Variants in SLC10A4 observed in about 807,000 individuals in gnomAD.
SLC10A4 encodes the protein putative sodium/bile acid cotransporter 4.
SLC10A4 carries 17 observed loss-of-function variants against 22.5 expected under a neutral mutation model. The observed-to-expected ratio is 0.76, with a 90% confidence interval of 0.52 to 1.14. The LOEUF is 1.14. Ranked by LOEUF, SLC10A4 falls within the 50% of genes most tolerant of loss-of-function variation. The probability of loss-of-function intolerance (pLI) is 0.00; values close to 1 mark genes in which losing one functional copy is unlikely to be tolerated. For missense variants in SLC10A4, 548 were observed against 584.0 expected (o/e 0.94, Z 0.64); for synonymous variants, 257 against 258.2 (o/e 1.00, Z 0.04).
Position 48,483,444 on chromosome 4 carries a change from G to A in SLC10A4, c.-118G>A, listed in dbSNP as rs984940461. ...CCCGACGCCGCCGAGCACGTCAGCG[G>A]CGCGCAGCCGGGGCTCGGAGACCGA... On this transcript the variant is annotated 5_prime_UTR_variant, in exon 1 of 3. Transcript: ENST00000273861. This position sits in a 1 kb window ranked among gnomAD's most constrained non-coding sequence, Gnocchi z 5.4. 7 of 795,512 alleles carry A rather than the reference G, an allele frequency of 8.8e-6. No homozygotes were observed. In the African/African-American group the frequency reaches 1.3e-4, roughly 15 times the overall value. 49.3% of individuals were successfully genotyped at this position (795,512 alleles called of 1,614,324 possible).
At chr4:48,487,623 T>C (rs1332244538) in intron 2 of SLC10A4, among the ~76,000 whole-genome samples, 2 of 152,104 alleles carry the variant, frequency 1.3e-5, no homozygotes, top group Non-Finnish European at 2.9e-5. Flanking sequence ...ATGAAACACA[T>C]TCTCAGAACA....
intron 2 of SLC10A4, among the ~76,000 whole-genome samples, chr4:48,488,097 T>C (rs1460494148): frequency 1.3e-5 from 2 of 151,550 alleles, no homozygotes; most frequent in East Asian, 3.9e-4. Context: ...CCACCGCGCC[T>C]GGCCAGAAAA....
chr4:48,484,733 C>T (rs1222982933), intron 1 of SLC10A4, among the ~76,000 whole-genome samples, 199 bp from the exon 2 acceptor site: 1 of 152,062 alleles, frequency 6.6e-6, no homozygotes. Context: ...TGTTTTTCCT[C>T]CCTGCCTTGG....
chr4:48,484,299 C>A, intron 1 of SLC10A4, 148 bp downstream of exon 1: 1 of 835,922 alleles, frequency 1.2e-6, no homozygotes, highest in East Asian at 2.8e-5. Context: ...GATGACGCCC[C>A]GGCTTTAGAA....
Position 48,484,077 on chromosome 4 carries a change from C to A in SLC10A4, c.516C>A (p.Leu172=), listed in dbSNP as rs1337609876. The change falls in exon 1 of 3, where the codon CTC becomes CTA. Residue 172 remains leucine (L), a synonymous_variant. Coordinates refer to ENST00000273861, the MANE Select transcript of SLC10A4 (RefSeq NM_152679.4). The part of the protein sequence containing the change: ...KLDEVAAVAV[L]LCGCCPGGNL... The stretch of plus-strand genomic sequence containing the variant: ...ACGAGGTGGCCGCCGTGGCGGTGCT[C>A]CTGTGTGGCTGCTGTCCCGGCGGCA... The A allele has an allele frequency of 6.2e-7, 1 of 1,605,870 alleles. No homozygotes were observed. The highest frequency in any genetic ancestry group is 8.5e-7 in the Non-Finnish European group (1 of 1,178,432).
rs1010514282 is a variant in SLC10A4 at position 48,484,867 on chromosome 4, A to G, written c.591-65A>G. ...GTTCCACCTCTACTCAACATACAAG[A>G]AAAAGGTTAGCTGGCTGTTTGACTC... On this transcript the variant is annotated intron_variant, in intron 1 of 2. Coordinates refer to ENST00000273861, the MANE Select transcript of SLC10A4 (RefSeq NM_152679.4). The G allele has an allele frequency of 2.1e-5, 31 of 1,495,466 alleles. No individual in the cohort carries two copies. The African/African-American group carries it at 4.0e-4, about 19-fold the overall frequency. 92.6% of individuals were successfully genotyped at this position (1,495,466 alleles called of 1,614,324 possible). A position where few individuals can be genotyped will look rare whatever the true frequency, so the allele number is the denominator to read the frequency against.
At chr4:48,484,680 A>G (rs1718249395) in intron 1 of SLC10A4, among the ~76,000 whole-genome samples, 1 of 152,042 alleles carries the variant, frequency 6.6e-6, no homozygotes, top group African/African-American at 2.4e-5. Context: ...CAGGCTCAAT[A>G]GACTTTATAA....
chr4:48,483,738 C>A lies in SLC10A4; in HGVS notation c.177C>A (p.Ser59Arg). The A allele has an allele frequency of 6.9e-7, 1 of 1,449,384 alleles. No homozygotes were observed. The highest frequency in any genetic ancestry group is 9.0e-7 in the Non-Finnish European group (1 of 1,107,848). The allele number at this position is 1,449,384 out of a possible 1,614,324, so 89.8% of individuals were successfully genotyped here. Residue 59 changes from serine (S) to arginine (R), a missense_variant, in exon 1 of 3, where the codon AGC becomes AGA. Coordinates refer to ENST00000273861, the MANE Select transcript of SLC10A4 (RefSeq NM_152679.4). The surrounding 1 kb of genome is among the most constrained non-coding windows in gnomAD (Gnocchi z 5.4). ...SLGPGPSFGF[S>R]PGPTPTPEPT... ...GGCCGGGTCCGAGCTTCGGCTTCAG[C>A]CCCGGCCCCACTCCGACCCCGGAGC... is the stretch of plus-strand genomic sequence containing the variant.
Position 48,483,757 on chromosome 4 carries a change from C to T in SLC10A4, c.196C>T (p.Pro66Ser). Residue 66 changes from proline to serine, a missense_variant, in exon 1 of 3, where the codon CCG (proline) becomes TCG (serine). Physicochemically the swap from Pro to Ser is moderately conservative, Grantham distance 74. Transcript: ENST00000273861. This position sits in a 1 kb window ranked among gnomAD's most constrained non-coding sequence, Gnocchi z 5.4. ...FGFSPGPTPT[P>S]EPTTSGLAGG... is the part of the protein sequence containing the mutation. Reference sequence around the variant, plus strand: ...CTTCAGCCCCGGCCCCACTCCGACCCCGGAGCCCACGACCAGCGGCCTCGC... The same window carrying T: ...CTTCAGCCCCGGCCCCACTCCGACCTCGGAGCCCACGACCAGCGGCCTCGC... 6.8e-7 allele frequency: 1 copy of T among 1,479,096 alleles called. No individual in the cohort carries two copies. Among genetic ancestry groups the T allele is most frequent in the Non-Finnish European group, 8.9e-7 (1 of 1,120,678 alleles). 91.6% of individuals were successfully genotyped at this position (1,479,096 alleles called of 1,614,324 possible). A position where few individuals can be genotyped will look rare whatever the true frequency, so the allele number is the denominator to read the frequency against.
chr4:48,486,405 T>C (rs1452744242), intron 2 of SLC10A4, among the ~76,000 whole-genome samples: 2 of 151,720 alleles, frequency 1.3e-5, no homozygotes, highest in African/African-American at 4.8e-5. Flanking sequence ...GCTAATGCTA[T>C]TAATGTGATG....
rs1043774695 is a variant in SLC10A4 at position 48,483,495 on chromosome 4, C to G, written c.-67C>G. ...CGGGCAGAACGACGGGCGGCGACTG[C>G]GGCGACCGCGGGACGGCGAGAGGCA... is the stretch of plus-strand genomic sequence containing the variant. On this transcript the variant is annotated 5_prime_UTR_variant, in exon 1 of 3. Coordinates refer to ENST00000273861, the MANE Select transcript of SLC10A4 (RefSeq NM_152679.4). This position sits in a 1 kb window ranked among gnomAD's most constrained non-coding sequence, Gnocchi z 5.4. 1.5e-6 allele frequency: 2 copies of G among 1,329,616 alleles called. No individual in the cohort carries two copies. Among genetic ancestry groups the G allele is most frequent in the African/African-American group, 3.1e-5 (2 of 65,030 alleles). The allele number at this position is 1,329,616 out of a possible 1,614,324, so 82.4% of individuals were successfully genotyped here. A position where few individuals can be genotyped will look rare whatever the true frequency, so the allele number is the denominator to read the frequency against.
Position 48,488,688 on chromosome 4 carries a change from C to G in SLC10A4, c.1063C>G (p.Gln355Glu). Residue 355 changes from glutamine (Q) to glutamate (E), a missense_variant, in exon 3 of 3, where the codon CAA becomes GAA. Around this residue, in one of 3 missense-constraint regions of SLC10A4, gnomAD observed 314 missense variants for 353.2 expected, o/e 0.89. Coordinates refer to ENST00000273861, the MANE Select transcript of SLC10A4 (RefSeq NM_152679.4). ...TAILKLAFPP[Q>E]FIGSMYMFPL... is the part of the protein sequence containing the mutation. ...CATTCTAAAACTGGCCTTTCCACCG[C>G]AATTCATAGGAAGCATGTACATGTT... 1 of 1,613,994 alleles carries G rather than the reference C, an allele frequency of 6.2e-7. No homozygotes were observed. The highest frequency in any genetic ancestry group is 8.5e-7 in the Non-Finnish European group (1 of 1,180,026).
Position 48,485,017 on chromosome 4 carries a change from A to AC in SLC10A4, c.680dup (p.Ile228TyrfsTer36). The AC allele has an allele frequency of 6.2e-7, 1 of 1,613,934 alleles. No homozygotes were observed. Among genetic ancestry groups the AC allele is most frequent in the Admixed American group, 1.7e-5 (1 of 59,998 alleles). On this transcript the variant is annotated frameshift_variant, in exon 2 of 3. Coordinates refer to ENST00000273861, the MANE Select transcript of SLC10A4 (RefSeq NM_152679.4). LOFTEE classifies it high-confidence loss of function. Reference sequence around the variant, plus strand: ...GATCTACAGCTGGGCTTGGATCAACACCCCTATCGTGCAGTTACTACCCCT... The same window carrying AC: ...GATCTACAGCTGGGCTTGGATCAACACCCCCTATCGTGCAGTTACTACCCCT...
rs147107923 is a variant in SLC10A4 at position 48,488,472 on chromosome 4, A to G, written c.847A>G (p.Met283Val). ...LLVTLVVLFI[M>V]TGTMLGPELL... ...AGTGACTCTGGTGGTCCTTTTCATA[A>G]TGACCGGCACTATGTTAGGACCTGA... The change falls in exon 3 of 3, where the codon ATG becomes GTG. Residue 283 changes from methionine to valine, a missense_variant. Coordinates refer to ENST00000273861, the MANE Select transcript of SLC10A4 (RefSeq NM_152679.4). 6.2e-7 allele frequency: 1 copy of G among 1,612,384 alleles called. No homozygotes were observed. The highest frequency in any genetic ancestry group is 1.3e-5 in the African/African-American group (1 of 74,652).
Position 48,483,918 on chromosome 4 carries a change from C to T in SLC10A4, c.357C>T (p.Gly119=). The change falls in exon 1 of 3, where the codon GGC becomes GGT. Residue 119 remains glycine (G), a synonymous_variant. Transcript: ENST00000273861. The surrounding 1 kb of genome is among the most constrained non-coding windows in gnomAD (Gnocchi z 5.4). ...VGAALCITML[G]LGCTVDVNHF... ...CCGCCCTGTGCATCACCATGCTGGG[C>T]CTGGGCTGCACGGTGGACGTGAACC... The T allele has an allele frequency of 6.5e-7, 1 of 1,544,612 alleles. No individual in the cohort carries two copies.
At chr4:48,487,204 C>CAATA (rs1560480688) in intron 2 of SLC10A4, among the ~76,000 whole-genome samples, 1 of 152,106 alleles carries the variant, frequency 6.6e-6, no homozygotes, top group Non-Finnish European at 1.5e-5. Context: ...GTACTGTATC[C>CAATA]GAAATCCATC....
intron 2 of SLC10A4, 71 bp downstream of exon 2, chr4:48,485,213 AG>A: frequency 6.6e-7 from 1 of 1,508,588 alleles, no homozygotes; most frequent in Non-Finnish European, 9.2e-7. Context: ...CAGAAATGTT[AG>A]GAAGTTTGGA....
chr4:48,484,920 C>G lies in SLC10A4; in HGVS notation c.591-12C>G. 6.2e-7 allele frequency: 1 copy of G among 1,608,592 alleles called. No homozygotes were observed. The highest frequency in any genetic ancestry group is 8.5e-7 in the Non-Finnish European group (1 of 1,176,414). On this transcript the variant is annotated splice_polypyrimidine_tract_variant and intron_variant, in intron 1 of 2. Coordinates refer to ENST00000273861, the MANE Select transcript of SLC10A4 (RefSeq NM_152679.4). ...AGCTCGTTCTGATTTCTGCACATTCCCTTTTCTGCAGCATCATCATGACCA... is the reference window on the plus strand; with the variant it reads ...AGCTCGTTCTGATTTCTGCACATTCGCTTTTCTGCAGCATCATCATGACCA...
At position 48,485,538 on chromosome 4, in the gene SLC10A4, G is replaced by A. The variant is rs1357341080; in HGVS notation, c.801+396G>A. Among the ~76,000 whole-genome samples, 3 of 152,152 alleles carry A rather than the reference G, an allele frequency of 2.0e-5. No individual in the cohort carries two copies. The East Asian group carries it at 5.8e-4, about 29-fold the overall frequency. ...TTGGTGCAGTATTTTAGAAATGCATGGCTATCTTTTCAAAAATGGAACTCT... is the reference window on the plus strand; with the variant it reads ...TTGGTGCAGTATTTTAGAAATGCATAGCTATCTTTTCAAAAATGGAACTCT... On this transcript the variant is annotated intron_variant, in intron 2 of 2. Coordinates refer to ENST00000273861, the MANE Select transcript of SLC10A4 (RefSeq NM_152679.4).
Sources: gnomAD v4.1 joint callset for allele counts (sites outside exome capture counted in the v4.1 genomes callset) on GRCh38, gnomAD v4.1.1 for gene constraint, gnomAD v4.1.1 regional missense constraint, Gnocchi (gnomAD v3.1) non-coding constraint, MANE v1.5 for transcripts, NCBI Gene and HGNC (gene_info 2026-07-23, HGNC 2026-07-21) for gene names.